The following CISD1 variants were observed in gnomAD, a reference collection of about 807,000 sequenced individuals.
CISD1 encodes CDGSH iron sulfur domain 1.
In CISD1, 8 loss-of-function variants were observed where a neutral mutation model predicts 12.0. That is an observed-to-expected ratio of 0.67 (90% CI 0.39 to 1.20). The LOEUF (loss-of-function observed/expected upper bound fraction) is 1.20, where lower values mean the gene tolerates loss of function less well. CISD1 is among the 50% of genes most tolerant of loss of function. CISD1 has a pLI of 0.01. For missense variants in CISD1, 107 were observed against 132.7 expected, an observed-to-expected ratio of 0.81 and a Z score of 0.95; for synonymous variants, 38 against 42.2, an observed-to-expected ratio of 0.90 and a Z score of 0.39.
chr10:58,272,598 A>G (rs1839261575), intron 1 of CISD1, among the ~76,000 whole-genome samples: 1 of 152,188 alleles, frequency 6.6e-6, no homozygotes, highest in Admixed American at 6.5e-5. Context: ...TAAAAGGGAT[A>G]GCTCCTATAA....
chr10:58,281,009 T>C (rs1839367926), intron 2 of CISD1, among the ~76,000 whole-genome samples: 1 of 152,214 alleles, frequency 6.6e-6, no homozygotes, highest in Admixed American at 6.5e-5. Flanking sequence ...CAACAGTGAA[T>C]GGAAAGAAAA....
Position 58,269,204 on chromosome 10 carries a change from A to T in CISD1, c.-70A>T. On this transcript the variant is annotated 5_prime_UTR_variant, in exon 1 of 3. Coordinates refer to ENST00000333926, the MANE Select transcript of CISD1 (RefSeq NM_018464.5). Reference sequence around the variant, plus strand: ...GCTTTAGTACGCCGCTGGCACCTTTACTCTCGCCGGCCGCGCGAACCCGTT... The same window carrying T: ...GCTTTAGTACGCCGCTGGCACCTTTTCTCTCGCCGGCCGCGCGAACCCGTT... 6 of 1,524,670 alleles carry T rather than the reference A, an allele frequency of 3.9e-6. No homozygotes were observed. Among genetic ancestry groups the T allele is most frequent in the Non-Finnish European group, 4.5e-6 (5 of 1,111,410 alleles). 94.4% of individuals were successfully genotyped at this position (1,524,670 alleles called of 1,614,324 possible). A position where few individuals can be genotyped will look rare whatever the true frequency, so the allele number is the denominator to read the frequency against.
intron 1 of CISD1, among the ~76,000 whole-genome samples, chr10:58,272,204 C>G (rs1404961015): frequency 6.7e-6 from 1 of 148,228 alleles, no homozygotes; most frequent in Admixed American, 6.7e-5. Context: ...CCTTAAGTCA[C>G]TCATAATTCA....
intron 2 of CISD1, among the ~76,000 whole-genome samples, chr10:58,283,747 C>A (rs1839398111): frequency 6.6e-6 from 1 of 152,176 alleles, no homozygotes; most frequent in African/African-American, 2.4e-5. Flanking sequence ...AAGCTTTATT[C>A]CAACTTCTTC....
At chr10:58,274,688 G>A (rs1295781643) in intron 1 of CISD1, among the ~76,000 whole-genome samples, 1 of 151,916 alleles carries the variant, frequency 6.6e-6, no homozygotes, top group Non-Finnish European at 1.5e-5. Context: ...TTCCCCATGG[G>A]GCAGCTAGTC....
At chr10:58,269,969 T>C (rs1839226017) in intron 1 of CISD1, among the ~76,000 whole-genome samples, 2 of 152,222 alleles carry the variant, frequency 1.3e-5, no homozygotes, top group African/African-American at 4.8e-5. Context: ...AGTCCCGTTA[T>C]AATAAAATTA....
intron 1 of CISD1, among the ~76,000 whole-genome samples, chr10:58,274,440 C>CTTTTTT (rs34405014): frequency 5.1e-5 from 4 of 79,136 alleles, no homozygotes; most frequent in African/African-American, 1.1e-4. Flanking sequence ...AAAATAACAA[C>CTTTTTT]TTTTTTTTTT....
chr10:58,279,947 C>T (rs1179226833), intron 2 of CISD1, among the ~76,000 whole-genome samples: 1 of 152,134 alleles, frequency 6.6e-6, no homozygotes, highest in Non-Finnish European at 1.5e-5. Context: ...GCCTGGGCAA[C>T]ATGGTGAGAC....
At position 58,279,491 on chromosome 10, in the gene CISD1, A is replaced by G. The variant is rs529174500; in HGVS notation, c.237+2169A>G. Among the ~76,000 whole-genome samples the G allele has an allele frequency of 1.5e-4, 23 of 152,340 alleles. No individual in the cohort carries two copies. In the South Asian group the frequency reaches 4.8e-3, roughly 32 times the overall value. ...TTTCTCCCAATAAATCCAGTGATAA[A>G]GTACTTAGATTATGCCATTTTGTTC... On this transcript the variant is annotated intron_variant, in intron 2 of 2. Transcript: ENST00000333926.
At position 58,269,278 on chromosome 10, in the gene CISD1, G is replaced by A. The variant is rs779937526; in HGVS notation, c.5G>A (p.Ser2Asn). The change falls in exon 1 of 3, where the codon AGT (serine) becomes AAT (asparagine). Residue 2 changes from serine (S) to asparagine (N), a missense_variant. By Grantham distance (46) the Ser-to-Asn change is conservative. Coordinates refer to ENST00000333926, the MANE Select transcript of CISD1 (RefSeq NM_018464.5). Reference sequence around the variant, plus strand: ...CGCCTTGCAAGCGACGGCGCCATGAGTCTGACTTCCAGTTCCAGCGTACGA... The same window carrying A: ...CGCCTTGCAAGCGACGGCGCCATGAATCTGACTTCCAGTTCCAGCGTACGA... M[S>N]LTSSSSVRVE... 1.7e-5 allele frequency: 27 copies of A among 1,609,222 alleles called. No homozygotes were observed. The highest frequency in any genetic ancestry group is 2.1e-5 in the Non-Finnish European group (25 of 1,179,770).
intron 2 of CISD1, among the ~76,000 whole-genome samples, chr10:58,278,578 AG>A (rs1839340758): frequency 1.3e-5 from 2 of 152,154 alleles, no homozygotes; most frequent in Non-Finnish European, 2.9e-5. Context: ...ATAATGTTAA[AG>A]GGCCCCCAAA....
chr10:58,275,026 A>G (rs1839296980), intron 1 of CISD1, among the ~76,000 whole-genome samples: 1 of 152,226 alleles, frequency 6.6e-6, no homozygotes, highest in Non-Finnish European at 1.5e-5. Flanking sequence ...ACTGTTTGCA[A>G]TATGCAGGTG....
chr10:58,283,371 T>C (rs965062147), intron 2 of CISD1, among the ~76,000 whole-genome samples: 2 of 152,208 alleles, frequency 1.3e-5, no homozygotes, highest in Admixed American at 6.5e-5. Context: ...TACATAAGAA[T>C]GGTATAAAAT....
At chr10:58,280,286 G>A (rs533071438) in intron 2 of CISD1, among the ~76,000 whole-genome samples, 2 of 152,276 alleles carry the variant, frequency 1.3e-5, no homozygotes, top group South Asian at 4.1e-4. Flanking sequence ...ATAGAGTTAT[G>A]ATACTTTTAC....
At chr10:58,273,541 GAA>G (rs397784603) in intron 1 of CISD1, 2 of 145,422 alleles carry the variant, frequency 1.4e-5, no homozygotes, top group African/African-American at 2.5e-5. Flanking sequence ...CACAGTAAAA[GAA>G]AAAAAAAAAG....
chr10:58,278,986 T>C (rs138457649), intron 2 of CISD1, among the ~76,000 whole-genome samples: 1 of 152,210 alleles, frequency 6.6e-6, no homozygotes, highest in Admixed American at 6.5e-5. Context: ...ACTGAATTAA[T>C]GGTATGTTAT....
intron 2 of CISD1, among the ~76,000 whole-genome samples, chr10:58,281,565 C>T (rs1230185546): frequency 1.3e-5 from 2 of 152,212 alleles, no homozygotes; most frequent in Admixed American, 6.5e-5. Flanking sequence ...TCCTGTGGTT[C>T]TAAGGTTATC....
chr10:58,270,588 C>T (rs1204989846), intron 1 of CISD1, among the ~76,000 whole-genome samples: 1 of 152,128 alleles, frequency 6.6e-6, no homozygotes, highest in Non-Finnish European at 1.5e-5. Flanking sequence ...GTTTAAAATA[C>T]GGGATCATTT....
At chr10:58,272,905 C>A (rs1226042448) in intron 1 of CISD1, among the ~76,000 whole-genome samples, 1 of 151,942 alleles carries the variant, frequency 6.6e-6, no homozygotes, top group Non-Finnish European at 1.5e-5. Flanking sequence ...GGCAACAGTG[C>A]GAGACTCCAT....
Sources: gnomAD v4.1 joint callset for allele counts (sites outside exome capture counted in the v4.1 genomes callset) on GRCh38, gnomAD v4.1.1 for gene constraint, MANE v1.5 for transcripts, NCBI Gene and HGNC (gene_info 2026-07-23, HGNC 2026-07-21) for gene names.